Variants in TRIM42 observed in about 807,000 individuals in gnomAD.
TRIM42 encodes tripartite motif-containing protein 42.
A neutral mutation model predicts 64.9 loss-of-function variants in TRIM42; 59 were observed. The ratio of observed to expected loss-of-function variants is 0.91; its 90% CI spans 0.74 to 1.13. TRIM42 has a LOEUF of 1.13. TRIM42 is among the 50% of genes most tolerant of loss of function. The pLI, the probability that TRIM42 is intolerant of heterozygous loss-of-function variation, is 0.00. For synonymous variants in TRIM42, 354 were observed against 346.3 expected (o/e 1.02, Z -0.25); for missense variants, 878 against 929.5 (o/e 0.94, Z 0.72).
chr3:140,695,129 T>C (rs748600257), intron 4 of TRIM42, among the ~76,000 whole-genome samples: 3 of 152,000 alleles, frequency 2.0e-5, no homozygotes, highest in African/African-American at 7.3e-5. Flanking sequence ...GCGCTTGTCA[T>C]CCCAGCTACT....
At position 140,689,701 on chromosome 3, in the gene TRIM42, C is replaced by T. The variant is rs375120885; in HGVS notation, c.1860+1159C>T. Among the ~76,000 whole-genome samples the T allele has an allele frequency of 3.3e-5, 5 of 151,904 alleles. No homozygotes were observed. The East Asian group carries it at 9.6e-4, about 29-fold the overall frequency. On this transcript the variant is annotated intron_variant, in intron 3 of 4. Coordinates refer to ENST00000286349, the MANE Select transcript of TRIM42 (RefSeq NM_152616.5). ...AACCCATACTTTGCAAGTTAGAACACTCCATGAGCTATCGACATGATGAAG... is the reference window on the plus strand; with the variant it reads ...AACCCATACTTTGCAAGTTAGAACATTCCATGAGCTATCGACATGATGAAG...
intron 1 of TRIM42, 76 bp from the exon 2 acceptor site, chr3:140,682,386 G>A: frequency 1.4e-6 from 2 of 1,442,602 alleles, no homozygotes; most frequent in South Asian, 1.3e-5. Flanking sequence ...GGAACCAAGA[G>A]TTCTTTCAGA....
chr3:140,687,989 A>AG lies in TRIM42; in HGVS notation c.1308dup (p.Thr437AspfsTer28). The AG allele has an allele frequency of 6.2e-7, 1 of 1,614,202 alleles. No individual in the cohort carries two copies. Among genetic ancestry groups the AG allele is most frequent in the African/African-American group, 1.3e-5 (1 of 75,054 alleles). ...GCCTACTCCAAGGAAGCCCTGAAGG[A>AG]GACTGGCCAGGTGGCATTCCTGCAG... On this transcript the variant is annotated frameshift_variant, in exon 3 of 5. Coordinates refer to ENST00000286349, the MANE Select transcript of TRIM42 (RefSeq NM_152616.5). LOFTEE classifies it high-confidence loss of function.
chr3:140,685,103 G>C (rs950050097), intron 2 of TRIM42, among the ~76,000 whole-genome samples: 4 of 152,208 alleles, frequency 2.6e-5, no homozygotes, highest in East Asian at 1.9e-4. Flanking sequence ...TGAAGAAACA[G>C]ACACACAAAA....
Position 140,691,125 on chromosome 3 carries a change from C to G in TRIM42, c.2018C>G (p.Thr673Arg). The G allele has an allele frequency of 6.2e-7, 1 of 1,614,144 alleles. No individual in the cohort carries two copies. The highest frequency in any genetic ancestry group is 8.5e-7 in the Non-Finnish European group (1 of 1,180,008). ...NLELHNLTPN[T>R]EYVFKVRAIN... ...GAGCTGCACAACCTGACCCCCAACA[C>G]AGAATACGTGTTTAAAGTTAGAGCC... Residue 673 changes from threonine to arginine, a missense_variant, in exon 4 of 5, where the codon ACA becomes AGA. Coordinates refer to ENST00000286349, the MANE Select transcript of TRIM42 (RefSeq NM_152616.5).
At chr3:140,680,046 T>G (rs928379204) in intron 1 of TRIM42, among the ~76,000 whole-genome samples, 28 of 151,854 alleles carry the variant, frequency 1.8e-4, no homozygotes, top group Admixed American at 1.8e-3. Context: ...AGAATCCAGG[T>G]GCAAGAACAG....
At position 140,678,378 on chromosome 3, in the gene TRIM42, G is replaced by A; in HGVS notation, c.149G>A (p.Cys50Tyr). 2 of 1,614,216 alleles carry A rather than the reference G, an allele frequency of 1.2e-6. No individual in the cohort carries two copies. The highest frequency in any genetic ancestry group is 2.7e-5 in the African/African-American group (2 of 75,044). Residue 50 changes from cysteine to tyrosine, a missense_variant, in exon 1 of 5, where the codon TGC becomes TAC. By Grantham distance (194) the Cys-to-Tyr change is radical. Coordinates refer to ENST00000286349, the MANE Select transcript of TRIM42 (RefSeq NM_152616.5). ...FPCPYKDERNCQFCHCTCSES... is the reference protein window; with the variant it reads ...FPCPYKDERNYQFCHCTCSES... ...TGCCCTTACAAAGATGAGCGGAACT[G>A]CCAGTTCTGCCACTGCACCTGTTCT... is the stretch of plus-strand genomic sequence containing the variant.
chr3:140,692,530 TACAC>T (rs1553763786), intron 4 of TRIM42, among the ~76,000 whole-genome samples: 5,400 of 108,488 alleles, frequency 0.05, 373 homozygotes, highest in African/African-American at 0.16. Context: ...CACATACACA[TACAC>T]ACACACACAC....
chr3:140,687,237 C>A (rs993227432), intron 2 of TRIM42, among the ~76,000 whole-genome samples: 2 of 152,192 alleles, frequency 1.3e-5, no homozygotes, highest in Non-Finnish European at 2.9e-5. Context: ...TGATTTCCCA[C>A]TGTTGTATAG....
chr3:140,678,633 G>C, intron 1 of TRIM42, 63 bp downstream of exon 1: 8 of 1,416,800 alleles, frequency 5.6e-6, no homozygotes, highest in Non-Finnish European at 6.8e-6. Flanking sequence ...CCACTTGCCA[G>C]CTGTGAAGTC....
chr3:140,698,360 C>T (rs1988910729), intron 4 of TRIM42, among the ~76,000 whole-genome samples: 1 of 152,032 alleles, frequency 6.6e-6, no homozygotes, highest in African/African-American at 2.4e-5. Context: ...ATGTTCTTTA[C>T]TGGGGTGTTT....
chr3:140,682,522 A>T lies in TRIM42; in HGVS notation c.402A>T (p.Ile134=). The T allele has an allele frequency of 6.2e-7, 1 of 1,614,200 alleles. No homozygotes were observed. The highest frequency in any genetic ancestry group is 8.5e-7 in the Non-Finnish European group (1 of 1,180,030). ...CCCAGGTGGATGAAGTAAAGTCAAT[A>T]CCAGCCAACAGTCACCTGGTGAACC... ...SDTQVDEVKS[I]PANSHLVNHL... The change falls in exon 2 of 5, where the codon ATA becomes ATT. Residue 134 remains isoleucine, a synonymous_variant. Transcript: ENST00000286349.
chr3:140,684,565 T>G (rs373532570), intron 2 of TRIM42, among the ~76,000 whole-genome samples: 52 of 152,310 alleles, frequency 3.4e-4, no homozygotes, highest in African/African-American at 1.3e-3. Flanking sequence ...GAAACAGGCT[T>G]TGCTAATGAC....
At chr3:140,681,025 C>T (rs1006442240) in intron 1 of TRIM42, among the ~76,000 whole-genome samples, 1 of 152,244 alleles carries the variant, frequency 6.6e-6, no homozygotes, top group Non-Finnish European at 1.5e-5. Flanking sequence ...GTGCCTTTTA[C>T]ACCTCCATTC....
intron 4 of TRIM42, among the ~76,000 whole-genome samples, chr3:140,695,130 C>T (rs1988816378): frequency 6.6e-6 from 1 of 152,082 alleles, no homozygotes; most frequent in Non-Finnish European, 1.5e-5. Context: ...CGCTTGTCAT[C>T]CCAGCTACTT....
chr3:140,694,151 TTACTC>T (rs781577865), intron 4 of TRIM42, among the ~76,000 whole-genome samples: 31 of 152,178 alleles, frequency 2.0e-4, no homozygotes, highest in Non-Finnish European at 1.0e-4. Flanking sequence ...ACATAGTACT[TTACTC>T]TGGGAGAATG....
At chr3:140,697,960 G>A (rs1988900285) in intron 4 of TRIM42, among the ~76,000 whole-genome samples, 2 of 152,138 alleles carry the variant, frequency 1.3e-5, no homozygotes, top group African/African-American at 4.8e-5. Context: ...TGGGATTACA[G>A]GCATGAGCCA....
chr3:140,691,444 G>C (rs908063107), intron 4 of TRIM42, among the ~76,000 whole-genome samples: 1 of 152,148 alleles, frequency 6.6e-6, no homozygotes, highest in African/African-American at 2.4e-5. Context: ...GAGATTCAGA[G>C]GAAAATAAAC....
rs1458126976 is a variant in TRIM42, at chr3:140,683,268, G to A, written c.1039+109G>A. 2.6e-6 allele frequency: 3 copies of A among 1,139,136 alleles called. No individual in the cohort carries two copies. The East Asian group carries it at 7.6e-5, about 29-fold the overall frequency. 70.6% of individuals were successfully genotyped at this position (1,139,136 alleles called of 1,614,324 possible). On this transcript the variant is annotated intron_variant, in intron 2 of 4. Coordinates refer to ENST00000286349, the MANE Select transcript of TRIM42 (RefSeq NM_152616.5). ...GTGCCTTAACAGATTCCACCTAGTG[G>A]AGCAATCAAGGCACCAGGAAACACT...
Sources: allele counts gnomAD v4.1 joint callset (sites outside exome capture counted in the v4.1 genomes callset), GRCh38; gene constraint gnomAD v4.1.1; transcripts MANE v1.5; gene names NCBI Gene and HGNC (gene_info 2026-07-23, HGNC 2026-07-21).